The following AP2B1 variants were observed in gnomAD, a reference collection of about 807,000 sequenced individuals.
AP2B1 encodes adaptor related protein complex 2 subunit beta 1, also known as AP-2 complex subunit beta.
Under a neutral mutation model 102.0 loss-of-function variants are expected in AP2B1, and 23 were observed. That is an observed-to-expected ratio of 0.23 (90% CI 0.16 to 0.32). The LOEUF (loss-of-function observed/expected upper bound fraction) is 0.32, where lower values mean the gene tolerates loss of function less well. Among genes scored for constraint, AP2B1 ranks in the 10% least tolerant of loss-of-function variants. AP2B1 has a pLI of 1.00. For missense variants in AP2B1, 541 were observed against 1,157.4 expected (o/e 0.47, Z 7.73); for synonymous variants, 381 against 421.2 (o/e 0.90, Z 1.17).
intron 21 of AP2B1, among the ~76,000 whole-genome samples, chr17:35,720,567 ATATATATTT>A (rs1341935247): frequency 1.1e-4 from 6 of 52,334 alleles, no homozygotes; most frequent in East Asian, 8.2e-4. Flanking sequence ...ATATATATAT[ATATATATTT>A]TTTTTTTTTT....
chr17:35,587,905 C>T (rs974977009), intron 1 of AP2B1: 4 of 152,096 alleles, frequency 2.6e-5, no homozygotes, highest in African/African-American at 7.2e-5. Flanking sequence ...TAAGAGACAA[C>T]CTCTTCCCTG....
intron 12 of AP2B1, among the ~76,000 whole-genome samples, chr17:35,646,674 C>T (rs1363175986): frequency 6.6e-6 from 1 of 151,404 alleles, no homozygotes; most frequent in Admixed American, 6.6e-5. Context: ...CAGCCTCCTC[C>T]GCCTCCTGGG....
intron 3 of AP2B1, among the ~76,000 whole-genome samples, chr17:35,602,983 A>C (rs966648743): frequency 2.6e-5 from 4 of 152,194 alleles, no homozygotes; most frequent in Non-Finnish European, 5.9e-5. Flanking sequence ...GAGAGTATTT[A>C]CTAAATATCT....
chr17:35,683,268 G>A (rs943251876), intron 18 of AP2B1, among the ~76,000 whole-genome samples: 5 of 152,182 alleles, frequency 3.3e-5, no homozygotes, highest in South Asian at 2.1e-4. Flanking sequence ...CTTTGTGGAC[G>A]AGAGTTTTAT....
intron 18 of AP2B1, among the ~76,000 whole-genome samples, chr17:35,702,669 A>G (rs113852232): frequency 1.5e-3 from 235 of 152,274 alleles, no homozygotes; most frequent in African/African-American, 5.4e-3. Context: ...AAGGGAATGT[A>G]TAGGGGGATG....
intron 12 of AP2B1, among the ~76,000 whole-genome samples, chr17:35,643,380 C>T (rs2074838742): frequency 6.6e-6 from 1 of 152,164 alleles, no homozygotes; most frequent in Non-Finnish European, 1.5e-5. Flanking sequence ...TGTAAATATT[C>T]AAGCAAGTAT....
At chr17:35,630,605 G>A (rs1053778669) in intron 9 of AP2B1, among the ~76,000 whole-genome samples, 16 of 152,126 alleles carry the variant, frequency 1.1e-4, no homozygotes, top group Non-Finnish European at 1.5e-4. Flanking sequence ...TTATTCTGAA[G>A]TTCAGAGACT....
At chr17:35,671,931 C>G (rs746234640) in intron 16 of AP2B1, 31 bp downstream of exon 16, 1 of 1,608,452 alleles carries the variant, frequency 6.2e-7, no homozygotes, top group Non-Finnish European at 8.5e-7. Flanking sequence ...GCAATACTTT[C>G]TTAATGGACA....
At chr17:35,624,289 A>T in intron 5 of AP2B1, 108 bp from the exon 6 acceptor site, 2 of 972,900 alleles carry the variant, frequency 2.1e-6, no homozygotes, top group Non-Finnish European at 3.1e-6. Flanking sequence ...ATGTTCAGGA[A>T]TGGTTATGAA....
rs2143016457 is a variant in AP2B1 at position 35,723,953 on chromosome 17, G to A, written c.*254G>A. The A allele has an allele frequency of 4.9e-6, 2 of 404,522 alleles. No individual in the cohort carries two copies. The highest frequency in any genetic ancestry group is 6.9e-5 in the East Asian group (2 of 29,066). 25.1% of individuals were successfully genotyped at this position (404,522 alleles called of 1,614,324 possible). On this transcript the variant is annotated 3_prime_UTR_variant, in exon 22 of 22. Transcript: ENST00000610402. ...CTGCTGCTATCTGTCCTTACTTGTG[G>A]GCTTCTCCATGCTGTGCCAATGGCT...
At chr17:35,691,665 C>T (rs1433832398) in intron 18 of AP2B1, among the ~76,000 whole-genome samples, 2 of 152,190 alleles carry the variant, frequency 1.3e-5, no homozygotes, top group South Asian at 2.1e-4. Context: ...GCGATTCCCA[C>T]GTCAGACAGT....
chr17:35,641,252 A>G (rs751974103), intron 11 of AP2B1, among the ~76,000 whole-genome samples: 3 of 152,160 alleles, frequency 2.0e-5, no homozygotes, highest in Non-Finnish European at 2.9e-5. Context: ...AGCCAATTTT[A>G]TCACCATCAG....
intron 21 of AP2B1, among the ~76,000 whole-genome samples, chr17:35,717,826 A>G (rs2085223572): frequency 6.6e-6 from 1 of 152,216 alleles, no homozygotes; most frequent in African/African-American, 2.4e-5. Flanking sequence ...ATTAAAGGTG[A>G]GGCAAAATGG....
At chr17:35,717,462 T>C (rs587745284) in intron 21 of AP2B1, 113 bp downstream of exon 21, 10 of 1,216,326 alleles carry the variant, frequency 8.2e-6, no homozygotes, top group South Asian at 4.4e-5. Flanking sequence ...ACCTGAGATA[T>C]ACAAAATAAG....
At chr17:35,710,531 T>C (rs2076424975) in intron 20 of AP2B1, among the ~76,000 whole-genome samples, 1 of 152,246 alleles carries the variant, frequency 6.6e-6, no homozygotes, top group South Asian at 2.1e-4. Context: ...AGCTAACATT[T>C]AAGAAACAAG....
chr17:35,612,755 C>T (rs1476754979), intron 5 of AP2B1, among the ~76,000 whole-genome samples: 1 of 152,088 alleles, frequency 6.6e-6, no homozygotes, highest in Non-Finnish European at 1.5e-5. Flanking sequence ...TTGCTGGTTA[C>T]TACCTTCATG....
intron 17 of AP2B1, among the ~76,000 whole-genome samples, chr17:35,681,093 A>G (rs2075814864): frequency 6.6e-6 from 1 of 152,058 alleles, no homozygotes; most frequent in Non-Finnish European, 1.5e-5. Flanking sequence ...TGAGTTTCCC[A>G]TCTCTTTACC....
At chr17:35,695,462 A>G (rs1040529275) in intron 18 of AP2B1, among the ~76,000 whole-genome samples, 17 of 151,894 alleles carry the variant, frequency 1.1e-4, no homozygotes, top group African/African-American at 3.6e-4. Context: ...TGGCATACCT[A>G]TGTCAGTGAC....
intron 9 of AP2B1, among the ~76,000 whole-genome samples, chr17:35,629,149 T>C (rs2074396490): frequency 6.6e-6 from 1 of 152,114 alleles, no homozygotes; most frequent in Non-Finnish European, 1.5e-5. Flanking sequence ...AGGTTCGCCA[T>C]GTTGGCTGGG....
Sources: allele counts gnomAD v4.1 joint callset (sites outside exome capture counted in the v4.1 genomes callset), GRCh38; gene constraint gnomAD v4.1.1; transcripts MANE v1.5; gene names NCBI Gene and HGNC (gene_info 2026-07-23, HGNC 2026-07-21).